NDUFA10: variants seen among roughly 807,000 people sequenced by gnomAD.
NDUFA10 encodes NADH dehydrogenase [ubiquinone] 1 alpha subcomplex subunit 10, mitochondrial.
Under a neutral mutation model 47.8 loss-of-function variants are expected in NDUFA10, and 40 were observed. The ratio of observed to expected loss-of-function variants is 0.84; its 90% CI spans 0.65 to 1.09. The LOEUF is 1.09. Among genes scored for constraint, NDUFA10 ranks in the 50% least tolerant of loss-of-function variants. NDUFA10 has a pLI of 0.00. For missense variants in NDUFA10, 413 were observed against 451.1 expected (o/e 0.92, Z 0.76); for synonymous variants, 183 against 172.2 (o/e 1.06, Z -0.49).
At chr2:240,007,913 C>T (rs1697007823) in intron 6 of NDUFA10, among the ~76,000 whole-genome samples, 2 of 152,184 alleles carry the variant, frequency 1.3e-5, no homozygotes, top group South Asian at 4.1e-4. Context: ...GGCATCTTTA[C>T]ACCAGAGCAC....
intron 9 of NDUFA10, chr2:239,983,633 CG>C (rs1559353140): frequency 6.3e-7 from 1 of 1,583,138 alleles, no homozygotes; most frequent in East Asian, 2.3e-5. Flanking sequence ...GTCAGGGCCA[CG>C]GTGCCAGGCT....
intron 4 of NDUFA10, among the ~76,000 whole-genome samples, chr2:239,937,230 A>G (rs1411978584): frequency 6.6e-6 from 1 of 152,244 alleles, no homozygotes; most frequent in Non-Finnish European, 1.5e-5. Flanking sequence ...CATAGCTTCT[A>G]TACCATAAAA....
intron 1 of NDUFA10, among the ~76,000 whole-genome samples, chr2:240,024,589 A>G (rs1468738730): frequency 4.6e-5 from 7 of 152,198 alleles, no homozygotes; most frequent in African/African-American, 1.7e-4. Context: ...AGCACAAAGA[A>G]AAAATCCATA....
chr2:239,914,930 C>G (rs1011686669), intron 4 of NDUFA10, among the ~76,000 whole-genome samples: 1 of 147,474 alleles, frequency 6.8e-6, no homozygotes, highest in African/African-American at 2.6e-5. Context: ...TATACAGATA[C>G]AGAGAGAGAC....
At position 240,022,291 on chromosome 2, in the gene NDUFA10, T is replaced by C. The variant is rs1030137584; in HGVS notation, c.125A>G (p.His42Arg). The change falls in exon 2 of 10, where the codon CAT becomes CGT. Residue 42 changes from histidine to arginine, a missense_variant. His to Arg is a conservative substitution (Grantham distance 29). Coordinates refer to ENST00000252711, the MANE Select transcript of NDUFA10 (RefSeq NM_004544.4). ...GCTTGCTTTATCCCCAAGTAGGAAATGCCACATTCCATAGCGCAGTTTGCA... is the reference window on the plus strand; with the variant it reads ...GCTTGCTTTATCCCCAAGTAGGAAACGCCACATTCCATAGCGCAGTTTGCA... ...VQCKLRYGMW[H>R]FLLGDKASKR... 1 of 1,613,980 alleles carries C rather than the reference T, an allele frequency of 6.2e-7. No homozygotes were observed. The highest frequency in any genetic ancestry group is 8.5e-7 in the Non-Finnish European group (1 of 1,180,046).
At chr2:240,002,726 T>C (rs1696777251) in intron 8 of NDUFA10, among the ~76,000 whole-genome samples, 1 of 152,078 alleles carries the variant, frequency 6.6e-6, no homozygotes, top group African/African-American at 2.4e-5. Flanking sequence ...TTCCACTAAC[T>C]AGAAAACTGA....
chr2:239,904,943 G>A (rs1693619110), intron 4 of NDUFA10, among the ~76,000 whole-genome samples: 1 of 152,288 alleles, frequency 6.6e-6, no homozygotes, highest in African/African-American at 2.4e-5. Flanking sequence ...GTCTCACTGT[G>A]TCTGTGCCTT....
chr2:239,904,692 G>A (rs1040199947), intron 4 of NDUFA10, among the ~76,000 whole-genome samples: 1 of 152,216 alleles, frequency 6.6e-6, no homozygotes. Context: ...ACCCCAGCCT[G>A]GTGCATCAGT....
intron 4 of NDUFA10, among the ~76,000 whole-genome samples, chr2:239,907,624 G>C (rs1316833355): frequency 6.6e-6 from 1 of 152,260 alleles, no homozygotes; most frequent in Non-Finnish European, 1.5e-5. Context: ...AGACATTTAT[G>C]CAGCCAACAG....
intron 7 of NDUFA10, among the ~76,000 whole-genome samples, chr2:240,005,785 T>C (rs922424297): frequency 2.6e-5 from 4 of 152,172 alleles, no homozygotes; most frequent in Non-Finnish European, 5.9e-5. Flanking sequence ...TGCATCACAG[T>C]ATGGCCTTGC....
chr2:239,927,024 T>C (rs1041021949), intron 4 of NDUFA10, among the ~76,000 whole-genome samples: 7 of 151,984 alleles, frequency 4.6e-5, no homozygotes, highest in Non-Finnish European at 8.8e-5. Flanking sequence ...ATGGGAAAGA[T>C]CCACCCCCAC....
intron 5 of NDUFA10, chr2:240,013,007 G>A (rs1202558137): frequency 6.6e-6 from 1 of 152,228 alleles, no homozygotes; most frequent in African/African-American, 2.4e-5. Context: ...TATGTGCCAA[G>A]TAGAATAAGA....
At chr2:239,983,389 G>A (rs1695863942) in intron 9 of NDUFA10, 1 of 1,406,062 alleles carries the variant, frequency 7.1e-7, no homozygotes, top group South Asian at 1.5e-5. Flanking sequence ...ATGGACAAAA[G>A]GAATTCTATG....
chr2:240,025,287 G>A lies in NDUFA10; in HGVS notation c.15C>T (p.Leu5=). Residue 5 remains leucine, a synonymous_variant, in exon 1 of 10, where the codon CTC becomes CTT. Coordinates refer to ENST00000252711, the MANE Select transcript of NDUFA10 (RefSeq NM_004544.4). The stretch of plus-strand genomic sequence containing the variant: ...ACGCGGACGTCGCTGCCAGCTTCAG[G>A]AGCCGCAAGGCCATGGCTACCCGGT... MALR[L]LKLAATSASA... 2.0e-6 allele frequency: 3 copies of A among 1,505,788 alleles called. No individual in the cohort carries two copies. The highest frequency in any genetic ancestry group is 2.7e-6 in the Non-Finnish European group (3 of 1,131,002). The allele number at this position is 1,505,788 out of a possible 1,614,324, so 93.3% of individuals were successfully genotyped here.
chr2:240,004,102 C>T (rs1012003093), intron 8 of NDUFA10, among the ~76,000 whole-genome samples: 3 of 152,060 alleles, frequency 2.0e-5, no homozygotes, highest in Admixed American at 6.5e-5. Context: ...AAAGAGAGCC[C>T]GGCCCCAGAA....
At chr2:239,929,456 T>A (rs1308276782) in intron 4 of NDUFA10, among the ~76,000 whole-genome samples, 1 of 152,136 alleles carries the variant, frequency 6.6e-6, no homozygotes, top group Non-Finnish European at 1.5e-5. Context: ...GAATGCAAAA[T>A]AAGCCATGGC....
At position 239,914,382 on chromosome 2, in the gene NDUFA10, AAC is replaced by A. The variant is rs1239670070; in HGVS notation, c.295-19070_295-19069del. Among the ~76,000 whole-genome samples the A allele has an allele frequency of 1.1e-4, 16 of 151,582 alleles. 1 individual carries two copies. Among genetic ancestry groups the A allele is most frequent in the Admixed American group, 5.9e-4 (9 of 15,222 alleles). On this transcript the variant is annotated intron_variant, in intron 4 of 5. Transcript: ENST00000419408. ...CAAAGAGATACACATACACACACAA[AAC>A]ACACACATACATACACAGACACACA...
At chr2:239,981,582 G>A (rs1437683718) in intron 9 of NDUFA10, among the ~76,000 whole-genome samples, 2 of 152,072 alleles carry the variant, frequency 1.3e-5, no homozygotes, top group Admixed American at 6.5e-5. Context: ...GAAGAAAAAC[G>A]AAGACTATAA....
At chr2:239,965,135 T>C (rs933752880) in intron 9 of NDUFA10, among the ~76,000 whole-genome samples, 23 of 152,162 alleles carry the variant, frequency 1.5e-4, no homozygotes, top group African/African-American at 5.3e-4. Context: ...GAGCAGATAA[T>C]AGAAACTAGC....
Sources: gnomAD v4.1 joint callset for allele counts (sites outside exome capture counted in the v4.1 genomes callset) on GRCh38, gnomAD v4.1.1 for gene constraint, MANE v1.5 for transcripts, NCBI Gene and HGNC (gene_info 2026-07-23, HGNC 2026-07-21) for gene names.